ENOX1: variants seen among roughly 807,000 people sequenced by gnomAD.
The protein encoded by ENOX1 is candidate growth-related and time keeping constitutive hydroquinone (NADH) oxidase.
Under a neutral mutation model 82.5 loss-of-function variants are expected in ENOX1, and 42 were observed. The ratio of observed to expected loss-of-function variants is 0.51; its 90% CI spans 0.40 to 0.66. ENOX1 has a LOEUF of 0.66. Among genes scored for constraint, ENOX1 ranks in the 30% least tolerant of loss-of-function variants. ENOX1 has a pLI of 0.00. For synonymous variants in ENOX1, 271 were observed against 282.2 expected (o/e 0.96, Z 0.40); for missense variants, 608 against 811.6 (o/e 0.75, Z 3.05).
chr13:43,759,733 T>A (rs950258932), intron 1 of ENOX1, among the ~76,000 whole-genome samples: 1 of 152,208 alleles, frequency 6.6e-6, no homozygotes, highest in Admixed American at 6.5e-5. Context: ...GTCTCTTCAG[T>A]GTGTAGATAC....
intron 2 of ENOX1, among the ~76,000 whole-genome samples, chr13:43,550,526 C>T (rs529676760): frequency 6.6e-6 from 1 of 152,112 alleles, no homozygotes; most frequent in Non-Finnish European, 1.5e-5. Context: ...AATAGTTTTG[C>T]CTACACATCT....
At chr13:43,493,981 C>A (rs1216929357) in intron 2 of ENOX1, among the ~76,000 whole-genome samples, 1 of 152,112 alleles carries the variant, frequency 6.6e-6, no homozygotes, top group African/African-American at 2.4e-5. Context: ...TCACAAGGTG[C>A]AGGAGGGAAA....
chr13:43,732,763 A>G (rs1199622249), intron 1 of ENOX1, among the ~76,000 whole-genome samples: 1 of 152,186 alleles, frequency 6.6e-6, no homozygotes, highest in Non-Finnish European at 1.5e-5. Flanking sequence ...GGGTTCAACA[A>G]TGCTGCCTAT....
At chr13:43,506,873 T>C (rs2077190774) in intron 2 of ENOX1, among the ~76,000 whole-genome samples, 1 of 151,350 alleles carries the variant, frequency 6.6e-6, no homozygotes, top group African/African-American at 2.4e-5. Context: ...CATTAGGTGA[T>C]ATACCTAATG....
chr13:43,358,862 T>C (rs978194933), intron 7 of ENOX1, among the ~76,000 whole-genome samples: 4 of 152,194 alleles, frequency 2.6e-5, no homozygotes, highest in Non-Finnish European at 5.9e-5. Context: ...CCATTTTGTA[T>C]TGCTTTTAGT....
chr13:43,714,978 G>T (rs576474097), intron 1 of ENOX1, among the ~76,000 whole-genome samples: 7 of 152,114 alleles, frequency 4.6e-5, no homozygotes, highest in Non-Finnish European at 1.0e-4. Context: ...GATTTTGCTC[G>T]TTAGTTGATG....
At chr13:43,736,296 TC>T (rs1337561198) in intron 1 of ENOX1, among the ~76,000 whole-genome samples, 2 of 152,246 alleles carry the variant, frequency 1.3e-5, no homozygotes, top group East Asian at 3.8e-4. Flanking sequence ...TTTGCTTATT[TC>T]CTCTGAAAAG....
At chr13:43,780,886 C>T (rs890716880) in intron 1 of ENOX1, among the ~76,000 whole-genome samples, 3 of 152,214 alleles carry the variant, frequency 2.0e-5, no homozygotes, top group South Asian at 2.1e-4. Context: ...TTTTCTCCCA[C>T]TGTTAGAGAT....
At chr13:43,525,474 G>A (rs533363856) in intron 2 of ENOX1, among the ~76,000 whole-genome samples, 1 of 152,116 alleles carries the variant, frequency 6.6e-6, no homozygotes, top group African/African-American at 2.4e-5. Context: ...GTTCATCCAT[G>A]TTGGTTCTTT....
intron 2 of ENOX1, among the ~76,000 whole-genome samples, chr13:43,533,094 C>A (rs887015929): frequency 1.3e-5 from 2 of 151,980 alleles, no homozygotes; most frequent in African/African-American, 2.4e-5. Flanking sequence ...ATTTATTTAG[C>A]CCTGGAATAT....
chr13:43,473,501 C>T (rs1566317081), intron 3 of ENOX1, among the ~76,000 whole-genome samples: 1 of 152,104 alleles, frequency 6.6e-6, no homozygotes, highest in African/African-American at 2.4e-5. Context: ...AAATGTTTGC[C>T]TATAGTATTT....
chr13:43,632,577 C>G (rs1211658833), intron 2 of ENOX1, among the ~76,000 whole-genome samples: 1 of 151,886 alleles, frequency 6.6e-6, no homozygotes, highest in African/African-American at 2.4e-5. Flanking sequence ...TCCCAATTAG[C>G]TGGGATTACA....
chr13:43,612,816 A>G (rs1049770473), intron 2 of ENOX1, among the ~76,000 whole-genome samples: 5 of 152,040 alleles, frequency 3.3e-5, no homozygotes, highest in Non-Finnish European at 7.4e-5. Flanking sequence ...TAAACATAAT[A>G]TAATGAACAT....
At chr13:43,432,815 A>C (rs1377962984) in intron 3 of ENOX1, among the ~76,000 whole-genome samples, 51 of 151,782 alleles carry the variant, frequency 3.4e-4, no homozygotes, top group Admixed American at 3.3e-3. Context: ...TTGTTTATTT[A>C]TTTCTTTTTT....
At chr13:43,768,080 T>A (rs1199169809) in intron 1 of ENOX1, among the ~76,000 whole-genome samples, 4 of 152,220 alleles carry the variant, frequency 2.6e-5, no homozygotes, top group African/African-American at 9.6e-5. Context: ...GCCATATTTT[T>A]CCCCACTAAG....
intron 1 of ENOX1, among the ~76,000 whole-genome samples, chr13:43,722,641 AC>A (rs1252214087): frequency 6.6e-6 from 1 of 152,180 alleles, no homozygotes; most frequent in Non-Finnish European, 1.5e-5. Context: ...GATGACAGGG[AC>A]TTTACATACA....
In ENOX1 at chr13:43,359,945, G is replaced by A. The variant is rs781034473; in HGVS notation, c.495C>T (p.Cys165=). 32 of 1,613,990 alleles carry A rather than the reference G, an allele frequency of 2.0e-5. 1 individual carries two copies. In the Middle Eastern group the frequency reaches 4.9e-4, roughly 25 times the overall value. Residue 165 remains cysteine (C), a synonymous_variant, in exon 7 of 17, where the codon TGC becomes TGT. Transcript: ENST00000690772. ...EEIIQEVFEQ[C]GDITAIRKSK... ...TTTTCCGAATTGCTGTAATATCACC[G>A]CACTGTTCAAAGACTTCTTGAATAA...
chr13:43,490,574 A>G (rs1179702355), intron 2 of ENOX1, among the ~76,000 whole-genome samples: 1 of 152,170 alleles, frequency 6.6e-6, no homozygotes. Flanking sequence ...ATTAGGCCAT[A>G]AGGACTCCTC....
chr13:43,237,136 T>A (rs1291171088), intron 14 of ENOX1, among the ~76,000 whole-genome samples: 20 of 152,242 alleles, frequency 1.3e-4, no homozygotes, highest in Non-Finnish European at 2.6e-4. Context: ...TAAAAATTTC[T>A]GAGTGTGTGG....
Sources: allele counts gnomAD v4.1 joint callset (sites outside exome capture counted in the v4.1 genomes callset), GRCh38; gene constraint gnomAD v4.1.1; transcripts MANE v1.5; gene names NCBI Gene and HGNC (gene_info 2026-07-23, HGNC 2026-07-21).